Variants in TRPM3 observed in about 807,000 individuals in gnomAD.
The protein encoded by TRPM3 is long transient receptor potential channel 3.
Under a neutral mutation model 181.2 loss-of-function variants are expected in TRPM3, and 77 were observed. The ratio of observed to expected loss-of-function variants is 0.42; its 90% CI spans 0.35 to 0.51. The LOEUF is 0.51. TRPM3 is among the 20% of genes least tolerant of loss of function. TRPM3 has a pLI of 0.01. For synonymous variants in TRPM3, 745 were observed against 796.4 expected (o/e 0.94, Z 1.09); for missense variants, 1,759 against 2,196.7 (o/e 0.80, Z 3.98).
intron 1 of TRPM3, among the ~76,000 whole-genome samples, chr9:71,039,366 A>G (rs544127424): frequency 5.3e-5 from 8 of 152,214 alleles, no homozygotes; most frequent in Non-Finnish European, 1.2e-4. Context: ...AAGTACTTAA[A>G]TATCCAATAA....
At chr9:71,436,489 G>C (rs1448205755) in intron 1 of TRPM3, among the ~76,000 whole-genome samples, 2 of 1,098 alleles carry the variant, frequency 1.8e-3, no homozygotes, top group Non-Finnish European at 0.032. Context: ...TTTTAGTAGA[G>C]ACGGGGGGTT....
At chr9:71,194,356 A>G (rs1249963237) in intron 1 of TRPM3, among the ~76,000 whole-genome samples, 1 of 151,926 alleles carries the variant, frequency 6.6e-6, no homozygotes, top group Non-Finnish European at 1.5e-5. Flanking sequence ...CTTCCTTGAT[A>G]CATAGCTAGA....
intron 1 of TRPM3, among the ~76,000 whole-genome samples, chr9:71,344,369 T>C (rs1316896698): frequency 1.3e-5 from 2 of 151,952 alleles, no homozygotes; most frequent in Non-Finnish European, 2.9e-5. Flanking sequence ...GAGAATTGCT[T>C]GAACCCAGGA....
At chr9:71,246,585 A>C (rs1388561063) in intron 1 of TRPM3, among the ~76,000 whole-genome samples, 4 of 152,218 alleles carry the variant, frequency 2.6e-5, no homozygotes, top group Non-Finnish European at 5.9e-5. Flanking sequence ...CAGTACCCAG[A>C]ATTGAATTGG....
At chr9:70,884,732 G>A (rs1455182235) in intron 1 of TRPM3, among the ~76,000 whole-genome samples, 1 of 152,148 alleles carries the variant, frequency 6.6e-6, no homozygotes, top group Non-Finnish European at 1.5e-5. Flanking sequence ...GCTAATTTAA[G>A]TGATTAAATA....
At chr9:70,918,788 T>C (rs527647498) in intron 1 of TRPM3, among the ~76,000 whole-genome samples, 1 of 152,258 alleles carries the variant, frequency 6.6e-6, no homozygotes, top group South Asian at 2.1e-4. Context: ...ATAACTGATC[T>C]TGAAACGAAC....
chr9:71,048,277 A>G (rs2059688110), intron 1 of TRPM3, among the ~76,000 whole-genome samples: 1 of 152,190 alleles, frequency 6.6e-6, no homozygotes, highest in Non-Finnish European at 1.5e-5. Context: ...TAAACAGAAG[A>G]CTGGTTAAAA....
intron 4 of TRPM3, 112 bp downstream of exon 4, chr9:70,846,266 T>C (rs559981902): frequency 1.0e-6 from 1 of 975,302 alleles, no homozygotes; most frequent in South Asian, 1.4e-5. Flanking sequence ...TATGGACCCA[T>C]GGGTAGGGAT....
At chr9:71,164,440 G>A (rs190348976) in intron 1 of TRPM3, among the ~76,000 whole-genome samples, 4 of 152,098 alleles carry the variant, frequency 2.6e-5, no homozygotes, top group African/African-American at 7.2e-5. Flanking sequence ...CTGGAGGAGA[G>A]GCAAACGGGG....
At chr9:71,096,588 A>ACACACACACACACTCT (rs1554824618) in intron 1 of TRPM3, among the ~76,000 whole-genome samples, 4 of 96,874 alleles carry the variant, frequency 4.1e-5, no homozygotes, top group African/African-American at 1.9e-4. Flanking sequence ...ACACACACAC[A>ACACACACACACACTCT]CACTCTCTCT....
intron 1 of TRPM3, among the ~76,000 whole-genome samples, chr9:71,153,747 A>G (rs1587678779): frequency 6.6e-6 from 1 of 152,042 alleles, no homozygotes; most frequent in African/African-American, 2.4e-5. Context: ...TAGCAGAGTG[A>G]TTTGCACCCT....
chr9:71,183,180 A>T (rs78631638), intron 1 of TRPM3, among the ~76,000 whole-genome samples: 5 of 152,104 alleles, frequency 3.3e-5, no homozygotes, highest in Non-Finnish European at 4.4e-5. Context: ...TCAAAAAAAA[A>T]TATGATTCAG....
intron 1 of TRPM3, among the ~76,000 whole-genome samples, chr9:70,934,986 T>C (rs1007343947): frequency 1.3e-5 from 2 of 152,196 alleles, no homozygotes; most frequent in Non-Finnish European, 2.9e-5. Context: ...TAGCAAGTTC[T>C]TAGAGAATAA....
At chr9:70,993,572 T>A (rs995734088) in intron 1 of TRPM3, among the ~76,000 whole-genome samples, 1 of 151,888 alleles carries the variant, frequency 6.6e-6, no homozygotes, top group African/African-American at 2.4e-5. Context: ...CGATTAGCCA[T>A]CCAAATGGAA....
chr9:71,373,377 CT>C lies in TRPM3; in HGVS notation c.183+73275del, dbSNP rs1401229193. Among the ~76,000 whole-genome samples the C allele has an allele frequency of 4.0e-5, 6 of 151,068 alleles. No individual in the cohort carries two copies. The South Asian group carries it at 6.3e-4, about 16-fold the overall frequency. Reference sequence around the variant, plus strand: ...AAAAAATTACAAAACAGACAGACTACTAGCTAGATTAATAAAGAACATGAGA... The same window carrying C: ...AAAAAATTACAAAACAGACAGACTACAGCTAGATTAATAAAGAACATGAGA... On this transcript the variant is annotated intron_variant, in intron 1 of 24. Transcript: ENST00000357533.
chr9:70,553,608 G>A (rs1242489795), intron 22 of TRPM3, among the ~76,000 whole-genome samples: 2 of 152,164 alleles, frequency 1.3e-5, no homozygotes, highest in African/African-American at 4.8e-5. Context: ...CACCGGGTGA[G>A]GGGCACTTGG....
At chr9:70,688,086 A>G (rs897341595) in intron 8 of TRPM3, among the ~76,000 whole-genome samples, 2 of 149,558 alleles carry the variant, frequency 1.3e-5, no homozygotes, top group African/African-American at 4.9e-5. Context: ...CTACTATTAC[A>G]CTCCTTTTTT....
intron 1 of TRPM3, among the ~76,000 whole-genome samples, chr9:71,352,930 A>T (rs907019994): frequency 2.0e-5 from 3 of 152,038 alleles, no homozygotes; most frequent in African/African-American, 7.2e-5. Flanking sequence ...ACCTGCCTCC[A>T]CACAGGTCTC....
intron 1 of TRPM3, among the ~76,000 whole-genome samples, chr9:71,432,409 T>G (rs1285924154): frequency 2.0e-5 from 3 of 150,696 alleles, no homozygotes; most frequent in African/African-American, 7.3e-5. Context: ...ATGTTTGGTC[T>G]TAATAATATG....
Sources: allele counts gnomAD v4.1 joint callset (sites outside exome capture counted in the v4.1 genomes callset), GRCh38; gene constraint gnomAD v4.1.1; transcripts MANE v1.5; gene names NCBI Gene and HGNC (gene_info 2026-07-23, HGNC 2026-07-21).